KIF6: variants seen among roughly 807,000 people sequenced by gnomAD.
The protein encoded by KIF6 is kinesin family member 6.
KIF6 carries 106 observed loss-of-function variants against 112.7 expected under a neutral mutation model. The ratio of observed to expected loss-of-function variants is 0.94; its 90% confidence interval spans 0.80 to 1.11. The LOEUF is 1.11. Among genes scored for constraint, KIF6 ranks in the 50% least tolerant of loss-of-function variants. The pLI is 0.00. For synonymous variants in KIF6, 339 were observed against 339.9 expected (o/e 1.00, Z 0.03); for missense variants, 929 against 964.0 (o/e 0.96, Z 0.48).
intron 3 of KIF6, among the ~76,000 whole-genome samples, chr6:39,688,623 A>G (rs1788005734): frequency 6.6e-6 from 1 of 152,176 alleles, no homozygotes; most frequent in African/African-American, 2.4e-5. Context: ...CCTTTCTCAG[A>G]TTTCCCAAGA....
At chr6:39,502,115 G>A (rs78472452) in intron 13 of KIF6, among the ~76,000 whole-genome samples, 2 of 152,104 alleles carry the variant, frequency 1.3e-5, no homozygotes, top group South Asian at 2.1e-4. Context: ...ACAAAGGGAA[G>A]CCCATCAGAC....
intron 10 of KIF6, among the ~76,000 whole-genome samples, chr6:39,555,097 C>G (rs76542318): frequency 3.5e-4 from 53 of 152,194 alleles, no homozygotes; most frequent in African/African-American, 1.3e-3. Flanking sequence ...GGCCACAAAT[C>G]CCACTCCTGC....
intron 7 of KIF6, among the ~76,000 whole-genome samples, chr6:39,588,475 A>G (rs1339183429): frequency 6.6e-6 from 1 of 152,078 alleles, no homozygotes; most frequent in Non-Finnish European, 1.5e-5. Context: ...CGGCCTCCCA[A>G]AGTGCTAGGA....
At chr6:39,429,089 T>G (rs187375703) in intron 14 of KIF6, among the ~76,000 whole-genome samples, 1 of 152,340 alleles carries the variant, frequency 6.6e-6, no homozygotes, top group East Asian at 1.9e-4. Flanking sequence ...TACAGAGCCA[T>G]GTACTCCCAC....
chr6:39,448,850 T>C (rs139109955), intron 13 of KIF6, among the ~76,000 whole-genome samples: 2 of 152,356 alleles, frequency 1.3e-5, no homozygotes, highest in African/African-American at 4.8e-5. Flanking sequence ...TTAATTGGCA[T>C]ATCAAACTTA....
intron 13 of KIF6, among the ~76,000 whole-genome samples, chr6:39,457,830 G>A (rs1773231743): frequency 6.6e-6 from 1 of 151,812 alleles, no homozygotes; most frequent in Non-Finnish European, 1.5e-5. Flanking sequence ...GGAAGAAGTT[G>A]AATCTCTGAA....
Position 39,544,587 on chromosome 6 carries a change from C to T in KIF6, c.1394G>A (p.Arg465Gln), listed in dbSNP as rs745653601. Residue 465 changes from arginine to glutamine, a missense_variant, in exon 12 of 23, where the codon CGA (arginine) becomes CAA (glutamine). By Grantham distance (43) the Arg-to-Gln change is conservative. Around this residue, in one of 2 missense-constraint regions of KIF6, gnomAD observed 688 missense variants for 662.7 expected, o/e 1.04. Transcript: ENST00000287152. ...GTTATCTCTCTGTTTCAGAATATCTCGTAGCTTTCTATATTCTTCTTCTTT... is the reference window on the plus strand; with the variant it reads ...GTTATCTCTCTGTTTCAGAATATCTTGTAGCTTTCTATATTCTTCTTCTTT... The part of the protein sequence containing the change: ...PLKEEEYRKL[R>Q]DILKQRDNEI... The T allele has an allele frequency of 9.3e-6, 15 of 1,610,894 alleles. No individual in the cohort carries two copies. Among genetic ancestry groups the T allele is most frequent in the East Asian group, 6.7e-5 (3 of 44,866 alleles).
At chr6:39,555,904 A>G (rs1208224333) in intron 10 of KIF6, among the ~76,000 whole-genome samples, 4 of 150,556 alleles carry the variant, frequency 2.7e-5, no homozygotes, top group Admixed American at 6.6e-5. Flanking sequence ...CGGTCAGCCA[A>G]GATCACCCCA....
In KIF6 at chr6:39,507,371, G is replaced by C. The variant is rs981632291; in HGVS notation, c.1645+32632C>G. On this transcript the variant is annotated intron_variant, in intron 13 of 22. Transcript: ENST00000287152. ...ACAGAAAAACAGTTTTTTTCTTTTA[G>C]GATAGAAGGAGATGACAAAATATTT... 5.9e-5 allele frequency among the ~76,000 whole-genome samples: 9 copies of C among 152,080 alleles called. No homozygotes were observed. In the South Asian group the frequency reaches 1.0e-3, roughly 18 times the overall value.
intron 3 of KIF6, among the ~76,000 whole-genome samples, chr6:39,673,180 C>T (rs1047734878): frequency 6.6e-6 from 1 of 152,204 alleles, no homozygotes; most frequent in Non-Finnish European, 1.5e-5. Context: ...GTTCAACAAA[C>T]CAGGCATCTG....
In KIF6 at chr6:39,673,594, G is replaced by A. The variant is rs114213193; in HGVS notation, c.252-33837C>T. On this transcript the variant is annotated intron_variant, in intron 3 of 22. Coordinates refer to ENST00000287152, the MANE Select transcript of KIF6 (RefSeq NM_145027.6). ...ATGAATCATAATTTGAAAAACAAAA[G>A]ACTAAGATTAATGTCAGAAGAAATG... 7.8e-3 allele frequency among the ~76,000 whole-genome samples: 1,187 copies of A among 152,198 alleles called. 8 individuals are homozygous for A. Among genetic ancestry groups the A allele is most frequent in the Non-Finnish European group, 0.012 (819 of 68,006 alleles).
chr6:39,340,134 C>G (rs912311361), intron 22 of KIF6, among the ~76,000 whole-genome samples: 3 of 152,216 alleles, frequency 2.0e-5, no homozygotes, highest in Admixed American at 6.5e-5. Context: ...CCTGCTGGCC[C>G]TTTGGGACCT....
At chr6:39,339,357 G>T (rs1184516067) in intron 22 of KIF6, among the ~76,000 whole-genome samples, 1 of 152,136 alleles carries the variant, frequency 6.6e-6, no homozygotes, top group Non-Finnish European at 1.5e-5. Context: ...GCTTGGGGAG[G>T]TGACCTGCCC....
intron 5 of KIF6, among the ~76,000 whole-genome samples, chr6:39,631,755 G>T: frequency 6.9e-6 from 1 of 145,352 alleles, no homozygotes; most frequent in African/African-American, 2.6e-5. Context: ...GCCCAGTTTT[G>T]GTATTCGGGC....
chr6:39,592,507 G>A (rs1782006228), intron 7 of KIF6, among the ~76,000 whole-genome samples: 1 of 152,116 alleles, frequency 6.6e-6, no homozygotes, highest in South Asian at 2.1e-4. Flanking sequence ...ATGGCTGAAG[G>A]CAACTCTGAT....
intron 3 of KIF6, among the ~76,000 whole-genome samples, chr6:39,668,938 A>G (rs1161169919): frequency 6.6e-6 from 1 of 152,136 alleles, no homozygotes; most frequent in Non-Finnish European, 1.5e-5. Context: ...TATTCGGATG[A>G]CTAGATATTG....
intron 13 of KIF6, among the ~76,000 whole-genome samples, chr6:39,470,607 A>G (rs930724902): frequency 6.6e-6 from 1 of 152,212 alleles, no homozygotes; most frequent in African/African-American, 2.4e-5. Context: ...GCATAGACAC[A>G]GGATCAGGTT....
In KIF6 at chr6:39,613,280, T is replaced by C. The variant is rs1303392803; in HGVS notation, c.548A>G (p.His183Arg). 1 of 1,608,178 alleles carries C rather than the reference T, an allele frequency of 6.2e-7. No homozygotes were observed. Among genetic ancestry groups the C allele is most frequent in the Non-Finnish European group, 8.5e-7 (1 of 1,177,296 alleles). Residue 183 changes from histidine to arginine, a missense_variant, in exon 6 of 23, where the codon CAC (histidine) becomes CGC (arginine). Coordinates refer to ENST00000287152, the MANE Select transcript of KIF6 (RefSeq NM_145027.6). ...CTGATGGAGAGTCAAGTTTTTCAGG[T>C]GAATGTTCTGATCAGGATCCTCCAG... Reference protein sequence around the residue: ...TILEDPDQNIHLKNLTLHQAT... With the variant: ...TILEDPDQNIRLKNLTLHQAT...
intron 5 of KIF6, among the ~76,000 whole-genome samples, chr6:39,629,621 C>A (rs1299416744): frequency 1.3e-5 from 2 of 151,910 alleles, no homozygotes; most frequent in African/African-American, 4.8e-5. Context: ...TAATTAATTT[C>A]TTCCAGCCTG....
Sources: allele counts gnomAD v4.1 joint callset (sites outside exome capture counted in the v4.1 genomes callset), GRCh38; gene constraint gnomAD v4.1.1; regional missense constraint gnomAD v4.1.1; transcripts MANE v1.5; gene names NCBI Gene and HGNC (gene_info 2026-07-23, HGNC 2026-07-21).